TLN2: variants seen among roughly 807,000 people sequenced by gnomAD.
The protein encoded by TLN2 is talin 2, also known as talin-2.
TLN2 carries 118 observed loss-of-function variants against 294.7 expected under a neutral mutation model. That is an observed-to-expected ratio of 0.40 (90% CI 0.34 to 0.47). TLN2 has a LOEUF of 0.47. Among genes scored for constraint, TLN2 ranks in the 20% least tolerant of loss-of-function variants. TLN2 has a pLI of 0.84. For synonymous variants in TLN2, 1,431 were observed against 1,304.5 expected, an observed-to-expected ratio of 1.10 and a Z score of -2.09; for missense variants, 3,083 against 3,282.2, an observed-to-expected ratio of 0.94 and a Z score of 1.48.
intron 28 of TLN2, among the ~76,000 whole-genome samples, chr15:62,732,512 A>G (rs951936815): frequency 2.6e-5 from 4 of 152,264 alleles, no homozygotes; most frequent in Non-Finnish European, 4.4e-5. Flanking sequence ...GGGCCTCATA[A>G]GCTAAAATAA....
intron 1 of TLN2, among the ~76,000 whole-genome samples, chr15:62,489,306 A>G (rs1212628119): frequency 6.6e-6 from 1 of 152,168 alleles, no homozygotes; most frequent in Non-Finnish European, 1.5e-5. Context: ...TCTGTGAAAA[A>G]CCAAACAGGT....
At chr15:62,563,192 A>C (rs2043122810) in intron 1 of TLN2, among the ~76,000 whole-genome samples, 1 of 152,130 alleles carries the variant, frequency 6.6e-6, no homozygotes, top group Admixed American at 6.6e-5. Context: ...TGGTGGTTGT[A>C]CTAGTTTACA....
At chr15:62,647,469 G>T (rs1449822054) in intron 4 of TLN2, 23 bp downstream of exon 4, 1 of 1,612,714 alleles carries the variant, frequency 6.2e-7, no homozygotes, top group Middle Eastern at 1.7e-4. Flanking sequence ...TTATTTACTG[G>T]CTTCTTAAAA....
intron 1 of TLN2, among the ~76,000 whole-genome samples, chr15:62,535,371 G>A (rs987751092): frequency 1.3e-5 from 2 of 152,008 alleles, no homozygotes; most frequent in East Asian, 1.9e-4. Context: ...TGGCAGTGGT[G>A]TGGTCCTGGC....
At chr15:62,569,080 CTG>C (rs1232187998) in intron 1 of TLN2, among the ~76,000 whole-genome samples, 2 of 152,174 alleles carry the variant, frequency 1.3e-5, no homozygotes, top group Non-Finnish European at 2.9e-5. Flanking sequence ...CGTCTTGTGT[CTG>C]TGTCACGCCG....
intron 33 of TLN2, 87 bp from the exon 34 acceptor site, chr15:62,750,315 G>A (rs936328631): frequency 9.4e-7 from 1 of 1,058,584 alleles, no homozygotes; most frequent in Non-Finnish European, 1.5e-6. Context: ...TGTGTATGGA[G>A]GGAGAGTTGA....
chr15:62,644,835 T>C (rs2051640450), intron 3 of TLN2: 1 of 329,834 alleles, frequency 3.0e-6, no homozygotes, highest in African/African-American at 2.2e-5. Context: ...AATCTCTCTC[T>C]GCATGGTTAG....
intron 54 of TLN2, chr15:62,831,204 G>C (rs1159346360): frequency 6.6e-6 from 1 of 152,058 alleles, no homozygotes; most frequent in East Asian, 1.9e-4. Context: ...TAAAAAGTCT[G>C]ACAGAGTATT....
intron 9 of TLN2, among the ~76,000 whole-genome samples, chr15:62,666,637 A>C (rs2054686130): frequency 6.6e-6 from 1 of 152,242 alleles, no homozygotes; most frequent in African/African-American, 2.4e-5. Context: ...CAAACTGACT[A>C]ACAAGCTGTT....
intron 2 of TLN2, among the ~76,000 whole-genome samples, chr15:62,603,610 T>C (rs2140790534): frequency 6.6e-6 from 1 of 152,358 alleles, no homozygotes; most frequent in Non-Finnish European, 1.5e-5. Flanking sequence ...TTAAAATCAT[T>C]ATTCTTTTTT....
chr15:62,541,997 G>T (rs993370133), intron 1 of TLN2, among the ~76,000 whole-genome samples: 6 of 151,478 alleles, frequency 4.0e-5, no homozygotes, highest in South Asian at 2.1e-4. Flanking sequence ...AACCCTTGGC[G>T]AATACTTTCA....
At chr15:62,575,136 A>T (rs2044277300) in intron 1 of TLN2, among the ~76,000 whole-genome samples, 1 of 152,106 alleles carries the variant, frequency 6.6e-6, no homozygotes, top group Non-Finnish European at 1.5e-5. Flanking sequence ...AACATGATGA[A>T]ACCTCATCTC....
intron 2 of TLN2, among the ~76,000 whole-genome samples, chr15:62,609,820 C>T (rs1442571591): frequency 2.0e-5 from 3 of 152,238 alleles, no homozygotes; most frequent in South Asian, 2.1e-4. Context: ...TCCCATCCCT[C>T]GTGAAAATTT....
chr15:62,728,126 C>T (rs1271934741), intron 28 of TLN2, among the ~76,000 whole-genome samples: 3 of 152,148 alleles, frequency 2.0e-5, no homozygotes, highest in African/African-American at 7.2e-5. Flanking sequence ...GTGCCCCCTC[C>T]CAATCACTGT....
At chr15:62,799,284 G>A (rs1386653079) in intron 48 of TLN2, among the ~76,000 whole-genome samples, 3 of 152,180 alleles carry the variant, frequency 2.0e-5, no homozygotes, top group Non-Finnish European at 4.4e-5. Context: ...GAGATAATGT[G>A]TGTAGAGTGC....
At chr15:62,499,636 T>C (rs1181931610) in intron 1 of TLN2, among the ~76,000 whole-genome samples, 2 of 152,134 alleles carry the variant, frequency 1.3e-5, no homozygotes, top group African/African-American at 4.8e-5. Flanking sequence ...AGTTTTGCTC[T>C]TGTTGCCCAG....
Position 62,820,808 on chromosome 15 carries a change from A to G in TLN2, c.7002+198A>G, listed in dbSNP as rs151333046. On this transcript the variant is annotated intron_variant, in intron 54 of 58. Coordinates refer to ENST00000636159, the MANE Select transcript of TLN2 (RefSeq NM_015059.3). ...AATGGCTGATGAGTCTTTCAAGTTAACCACCCAGAAAAATTCCTCTGAGTA... is the reference window on the plus strand; with the variant it reads ...AATGGCTGATGAGTCTTTCAAGTTAGCCACCCAGAAAAATTCCTCTGAGTA... Among the ~76,000 whole-genome samples the G allele has an allele frequency of 2.4e-3, 363 of 152,260 alleles. 5 individuals are homozygous for G. Among genetic ancestry groups the G allele is most frequent in the African/African-American group, 7.9e-3 (327 of 41,558 alleles).
intron 2 of TLN2, among the ~76,000 whole-genome samples, chr15:62,597,069 A>C (rs1011561698): frequency 6.6e-6 from 1 of 152,032 alleles, no homozygotes; most frequent in Non-Finnish European, 1.5e-5. Context: ...TGCCTCCCTA[A>C]AGCTGATTCT....
intron 8 of TLN2, among the ~76,000 whole-genome samples, chr15:62,657,407 T>A (rs930558474): frequency 1.3e-5 from 2 of 152,200 alleles, no homozygotes; most frequent in African/African-American, 4.8e-5. Context: ...TGATTTAGGA[T>A]TGTAAAAAGT....
Sources: gnomAD v4.1 joint callset for allele counts (sites outside exome capture counted in the v4.1 genomes callset) on GRCh38, gnomAD v4.1.1 for gene constraint, MANE v1.5 for transcripts, NCBI Gene and HGNC (gene_info 2026-07-23, HGNC 2026-07-21) for gene names.